Variants in SNX10 observed in about 807,000 individuals in gnomAD.
The protein encoded by SNX10 is sorting nexin-10.
Under a neutral mutation model 28.5 loss-of-function variants are expected in SNX10, and 25 were observed. That is an observed-to-expected ratio of 0.88 (90% CI 0.64 to 1.22). The LOEUF (loss-of-function observed/expected upper bound fraction) is 1.22, where lower values mean the gene tolerates loss of function less well. Among genes scored for constraint, SNX10 ranks in the 50% most tolerant of loss-of-function variants. The pLI, the probability that SNX10 is intolerant of heterozygous loss-of-function variation, is 0.00. For missense variants in SNX10, 223 were observed against 242.6 expected (o/e 0.92, Z 0.54); for synonymous variants, 62 against 81.4 (o/e 0.76, Z 1.28).
intron 1 of SNX10, among the ~76,000 whole-genome samples, chr7:26,342,044 T>TC (rs1788201798): frequency 1.4e-5 from 2 of 141,012 alleles, no homozygotes; most frequent in East Asian, 4.0e-4. Context: ...TTTTTTTTTT[T>TC]AGATGCAGTC....
At chr7:26,317,913 G>A (rs1286851079) in intron 1 of SNX10, among the ~76,000 whole-genome samples, 1 of 151,896 alleles carries the variant, frequency 6.6e-6, no homozygotes, top group African/African-American at 2.4e-5. Context: ...TGCCTGCCTC[G>A]GCCTCTCAAA....
chr7:26,328,252 T>C (rs1787582417), intron 1 of SNX10, among the ~76,000 whole-genome samples: 1 of 152,120 alleles, frequency 6.6e-6, no homozygotes, highest in South Asian at 2.1e-4. Context: ...TGGAAAGGAA[T>C]CAATGACAGT....
chr7:26,305,819 T>A (rs1008048039), intron 1 of SNX10, among the ~76,000 whole-genome samples: 12 of 152,232 alleles, frequency 7.9e-5, no homozygotes, highest in African/African-American at 2.7e-4. Context: ...TGCCCTTGGA[T>A]TACAGTCATT....
At chr7:26,353,214 C>T (rs1440244884) in intron 2 of SNX10, among the ~76,000 whole-genome samples, 2 of 152,118 alleles carry the variant, frequency 1.3e-5, no homozygotes, top group Admixed American at 6.5e-5. Context: ...TAAACATACT[C>T]CATGCTGTAG....
intron 1 of SNX10, among the ~76,000 whole-genome samples, chr7:26,332,774 C>G (rs1257448838): frequency 6.6e-6 from 1 of 152,186 alleles, no homozygotes; most frequent in Non-Finnish European, 1.5e-5. Context: ...AGCTCAACTT[C>G]ATTCTTTTGC....
intron 1 of SNX10, among the ~76,000 whole-genome samples, chr7:26,292,768 A>G (rs1004222392): frequency 6.6e-6 from 1 of 152,200 alleles, no homozygotes; most frequent in Non-Finnish European, 1.5e-5. Context: ...GGTATCAGAA[A>G]ATTAGAACGG....
intron 1 of SNX10, among the ~76,000 whole-genome samples, chr7:26,292,777 G>A (rs1785976664): frequency 6.6e-6 from 1 of 152,156 alleles, no homozygotes; most frequent in African/African-American, 2.4e-5. Context: ...AAATTAGAAC[G>A]GGGAGGAGGC....
chr7:26,372,325 TA>T (rs777050982), intron 6 of SNX10, 165 bp from the exon 7 acceptor site: 5 of 634,444 alleles, frequency 7.9e-6, no homozygotes, highest in South Asian at 1.9e-5. Context: ...ATTATCTAGC[TA>T]AAAAAATACC....
At chr7:26,351,674 T>TTTA (rs1788610096) in intron 2 of SNX10, among the ~76,000 whole-genome samples, 1 of 125,840 alleles carries the variant, frequency 7.9e-6, no homozygotes, top group African/African-American at 3.0e-5. Context: ...TTTTTTTTTT[T>TTTA]GAGACCGAGT....
At chr7:26,301,360 G>A (rs1786357816) in intron 1 of SNX10, among the ~76,000 whole-genome samples, 1 of 152,182 alleles carries the variant, frequency 6.6e-6, no homozygotes, top group Admixed American at 6.5e-5. Context: ...GAATCCCTTA[G>A]GAAGATAGGA....
At position 26,346,465 on chromosome 7, in the gene SNX10, A is replaced by G; in HGVS notation, c.23A>G (p.Glu8Gly). ...AAGATGTTTCCGGAACAACAGAAAG[A>G]GGTATGTCATCACAAATCCAAAAAT... is the stretch of plus-strand genomic sequence containing the variant. MFPEQQK[E>G]EFVSVWVRDP... Residue 8 changes from glutamate to glycine, a missense_variant and splice_region_variant, in exon 2 of 7, where the codon GAG becomes GGG. By Grantham distance (98) the Glu-to-Gly change is moderately conservative. Transcript: ENST00000338523. 1 of 1,605,346 alleles carries G rather than the reference A, an allele frequency of 6.2e-7. No homozygotes were observed.
At chr7:26,303,695 T>C (rs555197996) in intron 1 of SNX10, among the ~76,000 whole-genome samples, 1 of 152,318 alleles carries the variant, frequency 6.6e-6, no homozygotes, top group Non-Finnish European at 1.5e-5. Context: ...TTTCCAACAT[T>C]TCTGTGCATA....
chr7:26,362,454 A>G (rs934843528), intron 3 of SNX10, among the ~76,000 whole-genome samples: 1 of 152,242 alleles, frequency 6.6e-6, no homozygotes, highest in African/African-American at 2.4e-5. Context: ...CTCCATCTGG[A>G]GCCAGAAATG....
At chr7:26,338,662 C>T (rs1329788358) in intron 1 of SNX10, among the ~76,000 whole-genome samples, 1 of 152,142 alleles carries the variant, frequency 6.6e-6, no homozygotes, top group Non-Finnish European at 1.5e-5. Flanking sequence ...CCTCGGCCTC[C>T]CAAAGTGCTG....
At chr7:26,338,503 G>A (rs971321626) in intron 1 of SNX10, among the ~76,000 whole-genome samples, 4 of 152,100 alleles carry the variant, frequency 2.6e-5, no homozygotes, top group African/African-American at 4.8e-5. Context: ...CTTGGTTCAC[G>A]CCATTCTCCT....
chr7:26,321,776 T>TG (rs1429725477), intron 1 of SNX10, among the ~76,000 whole-genome samples: 1 of 145,220 alleles, frequency 6.9e-6, no homozygotes, highest in African/African-American at 2.5e-5. Flanking sequence ...ACTTTACCAG[T>TG]TTTTTTTTTT....
chr7:26,335,123 C>T (rs1441428940), intron 1 of SNX10, among the ~76,000 whole-genome samples: 1 of 152,200 alleles, frequency 6.6e-6, no homozygotes, highest in Non-Finnish European at 1.5e-5. Flanking sequence ...ACACGGAAGC[C>T]ACTGGGAAAG....
At chr7:26,324,295 G>A (rs1254567011) in intron 1 of SNX10, among the ~76,000 whole-genome samples, 1 of 152,168 alleles carries the variant, frequency 6.6e-6, no homozygotes, top group African/African-American at 2.4e-5. Context: ...AAGTAAAATT[G>A]TGATAATGAT....
chr7:26,371,731 T>G lies in SNX10; in HGVS notation c.312-90T>G, dbSNP rs1477109786. 4.6e-6 allele frequency: 4 copies of G among 877,390 alleles called. No homozygotes were observed. The East Asian group carries it at 7.3e-5, about 16-fold the overall frequency. 54.4% of individuals were successfully genotyped at this position (877,390 alleles called of 1,614,324 possible). On this transcript the variant is annotated intron_variant, in intron 5 of 6. Transcript: ENST00000338523. ...GTTTACCACAGTAGAGAAATTACCTTCAGTGGTACTTTTCTAATGTTTTTC... is the reference window on the plus strand; with the variant it reads ...GTTTACCACAGTAGAGAAATTACCTGCAGTGGTACTTTTCTAATGTTTTTC...
Sources: allele counts gnomAD v4.1 joint callset (sites outside exome capture counted in the v4.1 genomes callset), GRCh38; gene constraint gnomAD v4.1.1; transcripts MANE v1.5; gene names NCBI Gene and HGNC (gene_info 2026-07-23, HGNC 2026-07-21).